Variants in MTAP observed in about 807,000 individuals in gnomAD.
MTAP encodes the protein methylthioadenosine phosphorylase.
A neutral mutation model predicts 33.6 loss-of-function variants in MTAP; 33 were observed. The observed-to-expected ratio is 0.98, with a 90% CI of 0.74 to 1.31. The LOEUF (loss-of-function observed/expected upper bound fraction) is 1.31, where lower values mean the gene tolerates loss of function less well. Ranked by LOEUF, MTAP falls within the 40% of genes most tolerant of loss-of-function variation. The pLI, the probability that MTAP is intolerant of heterozygous loss-of-function variation, is 0.00. For synonymous variants in MTAP, 148 were observed against 125.7 expected (o/e 1.18, Z -1.19); for missense variants, 367 against 360.0 (o/e 1.02, Z -0.16).
chr9:21,882,128 T>A (rs912452723), intron 1 of MTAP, among the ~76,000 whole-genome samples: 37 of 151,970 alleles, frequency 2.4e-4, no homozygotes, highest in African/African-American at 8.0e-4. Flanking sequence ...AGGATTTCCT[T>A]CCTTTTTACT....
chr9:21,829,050 G>C (rs2118211500), intron 4 of MTAP, among the ~76,000 whole-genome samples: 1 of 152,264 alleles, frequency 6.6e-6, no homozygotes, highest in Non-Finnish European at 1.5e-5. Context: ...GATGCCTTGT[G>C]GTTAATGCCC....
intron 4 of MTAP, among the ~76,000 whole-genome samples, chr9:21,833,305 C>T (rs1301692648): frequency 6.6e-6 from 1 of 152,182 alleles, no homozygotes; most frequent in Non-Finnish European, 1.5e-5. Flanking sequence ...ACCTCAGCCC[C>T]CCAAGTAGCT....
chr9:21,843,327 T>C (rs1399968162), intron 5 of MTAP, among the ~76,000 whole-genome samples: 1 of 152,130 alleles, frequency 6.6e-6, no homozygotes, highest in Non-Finnish European at 1.5e-5. Flanking sequence ...GGCACTTAAG[T>C]ACTCCACTGA....
intron 1 of MTAP, among the ~76,000 whole-genome samples, chr9:21,895,233 A>C (rs1234965611): frequency 1.3e-5 from 2 of 152,244 alleles, no homozygotes; most frequent in African/African-American, 4.8e-5. Flanking sequence ...GCCTAAGCAA[A>C]ATGAACAAAG....
At chr9:21,820,898 G>C (rs565424910) in intron 4 of MTAP, among the ~76,000 whole-genome samples, 2 of 152,326 alleles carry the variant, frequency 1.3e-5, no homozygotes, top group Non-Finnish European at 2.9e-5. Context: ...TTGTGAATGT[G>C]AGTTCACTCA....
chr9:21,816,590 C>T (rs1587203458), intron 2 of MTAP, 124 bp from the exon 3 acceptor site: 5 of 742,606 alleles, frequency 6.7e-6, no homozygotes, highest in East Asian at 2.6e-5. Context: ...CAGATCTTGC[C>T]TCTTCTCTAA....
At chr9:21,886,969 G>T (rs971485669) in intron 1 of MTAP, among the ~76,000 whole-genome samples, 2 of 152,198 alleles carry the variant, frequency 1.3e-5, no homozygotes, top group South Asian at 4.1e-4. Context: ...TTCTAGTTCT[G>T]TGAAGAATGA....
intron 1 of MTAP, among the ~76,000 whole-genome samples, chr9:21,909,400 C>CA (rs371336052): frequency 8.9e-4 from 136 of 152,050 alleles, no homozygotes; most frequent in African/African-American, 3.1e-3. Flanking sequence ...GTATATAGTC[C>CA]ATATAGAATT....
intron 1 of MTAP, among the ~76,000 whole-genome samples, chr9:21,925,144 G>A (rs576965631): frequency 3.7e-4 from 57 of 152,304 alleles, no homozygotes; most frequent in South Asian, 1.7e-3. Context: ...CTTATGTCTC[G>A]TAGAAGGAAT....
At chr9:21,856,489 G>A (rs762261064) in intron 6 of MTAP, among the ~76,000 whole-genome samples, 3 of 152,092 alleles carry the variant, frequency 2.0e-5, no homozygotes, top group Admixed American at 6.6e-5. Context: ...ACTCAGCCTC[G>A]TAATGTCAAG....
rs143466660 is a variant in MTAP, at chr9:21,824,993, G to A, written c.347+6791G>A. Among the ~76,000 whole-genome samples the A allele has an allele frequency of 4.6e-3, 704 of 152,202 alleles. 7 individuals carry two copies. The highest frequency in any genetic ancestry group is 0.015 in the African/African-American group (608 of 41,528). ...GCAGTGACCCGATTTTCCAGGTGCCGTCTGTCACCCCTTCCCTTTGCTAGG... is the reference window on the plus strand; with the variant it reads ...GCAGTGACCCGATTTTCCAGGTGCCATCTGTCACCCCTTCCCTTTGCTAGG... On this transcript the variant is annotated intron_variant, in intron 4 of 7. Transcript: ENST00000644715.
At chr9:21,807,381 G>A (rs895058951) in intron 1 of MTAP, among the ~76,000 whole-genome samples, 1 of 152,164 alleles carries the variant, frequency 6.6e-6, no homozygotes, top group African/African-American at 2.4e-5. Context: ...GAGTCCTTGT[G>A]TGGCTATCTG....
intron 1 of MTAP, among the ~76,000 whole-genome samples, chr9:21,915,714 T>C (rs529166657): frequency 6.6e-5 from 10 of 152,206 alleles, no homozygotes; most frequent in Admixed American, 1.3e-4. Flanking sequence ...GTTGAGAATA[T>C]ACTGTAAGAT....
At chr9:21,867,158 A>G (rs947431440), downstream of MTAP, 2 of 152,156 alleles carry the variant, frequency 1.3e-5, no homozygotes, top group African/African-American at 2.4e-5. Context: ...ATGAATAACA[A>G]CAGTTTACCT....
chr9:21,912,478 A>G (rs1004574301), intron 1 of MTAP, among the ~76,000 whole-genome samples: 4 of 152,214 alleles, frequency 2.6e-5, no homozygotes, highest in Admixed American at 6.5e-5. Flanking sequence ...CTGGTTCAAC[A>G]TACACAAATC....
At chr9:21,894,211 TAAA>T (rs60193324) in intron 1 of MTAP, among the ~76,000 whole-genome samples, 28,510 of 129,552 alleles carry the variant, frequency 0.22, 3,132 homozygotes, top group Admixed American at 0.35. Flanking sequence ...CCTTTCATGT[TAAA>T]AAAAAAAAAA....
At chr9:21,861,688 C>A in intron 7 of MTAP, 1 of 412,674 alleles carries the variant, frequency 2.4e-6, no homozygotes. Context: ...AAACAATAAT[C>A]CAGGCTGGGG....
At chr9:21,807,203 T>G (rs1333325058) in intron 1 of MTAP, among the ~76,000 whole-genome samples, 1 of 152,126 alleles carries the variant, frequency 6.6e-6, no homozygotes, top group African/African-American at 2.4e-5. Flanking sequence ...TTAATCATGG[T>G]TGCTGTGACA....
chr9:21,874,456 T>C lies in MTAP; in HGVS notation c.147+19586T>C, dbSNP rs376863052. Reference sequence around the variant, plus strand: ...CTATACATTGCAATTGGTTAATACATATTTTGTGTTTCTTTTATTTTAGGC... The same window carrying C: ...CTATACATTGCAATTGGTTAATACACATTTTGTGTTTCTTTTATTTTAGGC... On this transcript the variant is annotated intron_variant, in intron 1 of 1. Transcript: ENST00000577563. Among the ~76,000 whole-genome samples, 91 of 152,314 alleles carry C rather than the reference T, an allele frequency of 6.0e-4. No homozygotes were observed. The Middle Eastern group carries it at 0.01, about 17-fold the overall frequency.
Sources: gnomAD v4.1 joint callset for allele counts (sites outside exome capture counted in the v4.1 genomes callset) on GRCh38, gnomAD v4.1.1 for gene constraint, MANE v1.5 for transcripts, NCBI Gene and HGNC (gene_info 2026-07-23, HGNC 2026-07-21) for gene names.